KCNIP4: variants seen among roughly 807,000 people sequenced by gnomAD.
The protein encoded by KCNIP4 is potassium voltage-gated channel interacting protein 4.
Under a neutral mutation model 34.0 loss-of-function variants are expected in KCNIP4, and 12 were observed. That is an observed-to-expected ratio of 0.35 (90% confidence interval 0.23 to 0.57). KCNIP4 has a LOEUF of 0.57. Ranked by LOEUF, KCNIP4 falls within the 20% of genes least tolerant of loss-of-function variation. KCNIP4 has a pLI of 0.83. For missense variants in KCNIP4, 238 were observed against 311.7 expected (o/e 0.76, Z 1.78); for synonymous variants, 124 against 102.2 (o/e 1.21, Z -1.29).
intron 2 of KCNIP4, among the ~76,000 whole-genome samples, chr4:20,874,791 T>C (rs960008131): frequency 5.3e-5 from 8 of 152,070 alleles, no homozygotes. Context: ...ATTTTAAAAC[T>C]TGTAAAAGCC....
chr4:20,835,811 G>C (rs1381120436), intron 3 of KCNIP4, among the ~76,000 whole-genome samples: 1 of 152,006 alleles, frequency 6.6e-6, no homozygotes, highest in African/African-American at 2.4e-5. Context: ...TAAATGGTAA[G>C]AATACCTGCC....
chr4:20,946,558 T>C (rs905249589), intron 1 of KCNIP4, among the ~76,000 whole-genome samples: 4 of 152,138 alleles, frequency 2.6e-5, no homozygotes, highest in East Asian at 1.9e-4. Flanking sequence ...CACTGAGATG[T>C]AGAAATTGGA....
chr4:21,611,865 A>C (rs938788794), intron 1 of KCNIP4, among the ~76,000 whole-genome samples: 1 of 152,198 alleles, frequency 6.6e-6, no homozygotes, highest in Middle Eastern at 3.2e-3. Flanking sequence ...CTATGGAAGA[A>C]TCCAATGCCT....
At chr4:20,860,044 G>A (rs2149493511) in intron 2 of KCNIP4, among the ~76,000 whole-genome samples, 1 of 152,232 alleles carries the variant, frequency 6.6e-6, no homozygotes, top group African/African-American at 2.4e-5. Flanking sequence ...CACACTGAAG[G>A]TGCTCCATAA....
At chr4:21,438,320 T>C (rs959931651) in intron 1 of KCNIP4, among the ~76,000 whole-genome samples, 2 of 152,212 alleles carry the variant, frequency 1.3e-5, no homozygotes, top group South Asian at 2.1e-4. Context: ...GTTTAATAAA[T>C]GTATATAAAG....
chr4:21,152,951 G>A (rs1003903445), intron 1 of KCNIP4, among the ~76,000 whole-genome samples: 1 of 152,126 alleles, frequency 6.6e-6, no homozygotes, highest in South Asian at 2.1e-4. Context: ...CTGGTCCCTG[G>A]TGCCAAAAGG....
At chr4:20,910,639 A>T (rs530879352) in intron 1 of KCNIP4, among the ~76,000 whole-genome samples, 1 of 152,272 alleles carries the variant, frequency 6.6e-6, no homozygotes, top group East Asian at 1.9e-4. Flanking sequence ...CCTTTTGTCC[A>T]GGAGTTCAGT....
intron 1 of KCNIP4, among the ~76,000 whole-genome samples, chr4:21,354,061 G>T (rs12510244): frequency 0.35 from 53,155 of 151,946 alleles, 10,009 homozygotes; most frequent in Middle Eastern, 0.54. Context: ...CTTCATAAGT[G>T]TGGGAGAAAC....
chr4:20,785,769 G>A (rs1711900308), intron 3 of KCNIP4, among the ~76,000 whole-genome samples: 1 of 151,832 alleles, frequency 6.6e-6, no homozygotes, highest in Admixed American at 6.6e-5. Flanking sequence ...ATCAACTCAA[G>A]ATGTATTAAA....
intron 1 of KCNIP4, among the ~76,000 whole-genome samples, chr4:21,194,678 C>A (rs1577867914): frequency 6.6e-6 from 1 of 152,204 alleles, no homozygotes; most frequent in East Asian, 1.9e-4. Context: ...CCCACACTAC[C>A]CCCATGCGCT....
chr4:21,165,419 A>G lies in KCNIP4; in HGVS notation c.62-282710T>C, dbSNP rs1295334419. Among the ~76,000 whole-genome samples, 4 of 122,942 alleles carry G rather than the reference A, an allele frequency of 3.3e-5. 1 individual carries two copies. The highest frequency in any genetic ancestry group is 1.3e-4 in the African/African-American group (4 of 31,142). 80.7% of individuals were successfully genotyped at this position (122,942 alleles called of 152,430 possible). ...AACTTAGAGTATAATAAAAAAAAAA[A>G]AAAAAAAAAAATCATATGTTTGAAA... is the stretch of plus-strand genomic sequence containing the variant. On this transcript the variant is annotated intron_variant, in intron 1 of 8. Coordinates refer to ENST00000382152, the MANE Select transcript of KCNIP4 (RefSeq NM_025221.6).
At chr4:21,144,210 A>G (rs909792336) in intron 1 of KCNIP4, among the ~76,000 whole-genome samples, 4 of 152,198 alleles carry the variant, frequency 2.6e-5, no homozygotes, top group Non-Finnish European at 4.4e-5. Context: ...TGGCATTACT[A>G]ATCTGCCAAT....
intron 3 of KCNIP4, among the ~76,000 whole-genome samples, chr4:20,802,276 TATATATATATGCA>T (rs201516840): frequency 0.43 from 51,815 of 121,576 alleles, 14,120 homozygotes; most frequent in East Asian, 0.71. Flanking sequence ...ATATATATGC[TATATATATATGCA>T]ATATATATAT....
chr4:20,816,106 A>T (rs1716339952), intron 3 of KCNIP4, among the ~76,000 whole-genome samples: 1 of 152,068 alleles, frequency 6.6e-6, no homozygotes. Flanking sequence ...TACAAAAATT[A>T]GTCAGGCATG....
chr4:20,926,382 A>G (rs927278944), intron 1 of KCNIP4, among the ~76,000 whole-genome samples: 1 of 152,342 alleles, frequency 6.6e-6, no homozygotes, highest in Admixed American at 6.5e-5. Context: ...CAGGTGAAAG[A>G]TTGGACAATA....
intron 1 of KCNIP4, among the ~76,000 whole-genome samples, chr4:21,505,869 G>C (rs1733803661): frequency 6.6e-6 from 1 of 152,186 alleles, no homozygotes. Flanking sequence ...TTGGGAGACT[G>C]AGGCAGGTGG....
intron 1 of KCNIP4, among the ~76,000 whole-genome samples, chr4:21,832,507 A>G (rs973469065): frequency 6.6e-6 from 1 of 152,200 alleles, no homozygotes. Flanking sequence ...CATCTGAGGA[A>G]ATCATCAGTT....
intron 1 of KCNIP4, among the ~76,000 whole-genome samples, chr4:21,935,231 G>A (rs1166490479): frequency 6.6e-6 from 1 of 151,872 alleles, no homozygotes; most frequent in Non-Finnish European, 1.5e-5. Flanking sequence ...TTAATGCCTC[G>A]ACAACTTTGA....
intron 1 of KCNIP4, among the ~76,000 whole-genome samples, chr4:21,854,623 C>A (rs781677784): frequency 6.6e-6 from 1 of 152,110 alleles, no homozygotes; most frequent in African/African-American, 2.4e-5. Context: ...CTACCCTTGG[C>A]ACACCATTCT....
Sources: allele counts gnomAD v4.1 joint callset (sites outside exome capture counted in the v4.1 genomes callset), GRCh38; gene constraint gnomAD v4.1.1; transcripts MANE v1.5; gene names NCBI Gene and HGNC (gene_info 2026-07-23, HGNC 2026-07-21).